KCND2: variants seen among roughly 807,000 people sequenced by gnomAD.
The protein encoded by KCND2 is potassium voltage-gated channel subfamily D member 2.
Under a neutral mutation model 54.4 loss-of-function variants are expected in KCND2, and 16 were observed. The ratio of observed to expected loss-of-function variants is 0.29; its 90% CI spans 0.20 to 0.45. KCND2 has a LOEUF of 0.45. KCND2 is among the 20% of genes least tolerant of loss of function. KCND2 has a pLI of 1.00. For synonymous variants in KCND2, 317 were observed against 310.7 expected (o/e 1.02, Z -0.21); for missense variants, 486 against 824.2 (o/e 0.59, Z 5.02).
chr7:120,590,660 A>G (rs1562881551), intron 1 of KCND2, among the ~76,000 whole-genome samples: 2 of 152,202 alleles, frequency 1.3e-5, no homozygotes, highest in Non-Finnish European at 1.5e-5. Flanking sequence ...AAGAATATGC[A>G]GTCCCAAAGC....
chr7:120,439,383 A>G (rs2116189707), intron 1 of KCND2, among the ~76,000 whole-genome samples: 1 of 152,206 alleles, frequency 6.6e-6, no homozygotes, highest in East Asian at 1.9e-4. Context: ...TTTATTTGAA[A>G]TGAAATAATT....
chr7:120,740,875 C>T (rs1792932092), intron 2 of KCND2: 1 of 455,378 alleles, frequency 2.2e-6, no homozygotes, highest in Admixed American at 2.4e-5. Flanking sequence ...TGCCGGTAGA[C>T]AAAGTAGATA....
intron 1 of KCND2, among the ~76,000 whole-genome samples, chr7:120,336,149 G>A (rs577972113): frequency 2.0e-4 from 30 of 151,958 alleles, no homozygotes; most frequent in South Asian, 1.2e-3. Flanking sequence ...GTAACCAAAC[G>A]CACTGCTCAA....
chr7:120,521,563 TAC>T (rs1198351605), intron 1 of KCND2, among the ~76,000 whole-genome samples: 1 of 152,160 alleles, frequency 6.6e-6, no homozygotes, highest in African/African-American at 2.4e-5. Flanking sequence ...AATTTTTAAA[TAC>T]AGTCAACTGT....
At chr7:120,413,002 T>G (rs1055483575) in intron 1 of KCND2, among the ~76,000 whole-genome samples, 13 of 152,108 alleles carry the variant, frequency 8.5e-5, no homozygotes, top group Non-Finnish European at 1.6e-4. Flanking sequence ...TTAGTTTTGT[T>G]GAAATCTTAA....
chr7:120,519,255 C>T (rs957940441), intron 1 of KCND2, among the ~76,000 whole-genome samples: 2 of 151,970 alleles, frequency 1.3e-5, no homozygotes, highest in Admixed American at 1.3e-4. Flanking sequence ...GTAGGAGAAT[C>T]GCTTGAACCC....
chr7:120,331,506 AGAGT>A (rs1371089355), intron 1 of KCND2, among the ~76,000 whole-genome samples: 3 of 152,024 alleles, frequency 2.0e-5, no homozygotes, highest in Non-Finnish European at 4.4e-5. Context: ...AAAAAGACAA[AGAGT>A]GAGAGAGAGA....
intron 1 of KCND2, among the ~76,000 whole-genome samples, chr7:120,391,767 GT>G (rs1289454542): frequency 3.3e-5 from 5 of 151,774 alleles, no homozygotes; most frequent in African/African-American, 1.2e-4. Flanking sequence ...GTGGTTGTTT[GT>G]TTTTTTCTTG....
chr7:120,330,581 CAAAAAAAA>C (rs3067024), intron 1 of KCND2, among the ~76,000 whole-genome samples: 2 of 48,382 alleles, frequency 4.1e-5, no homozygotes, highest in Non-Finnish European at 6.6e-5. Flanking sequence ...AACTCTGTCT[CAAAAAAAA>C]AAAAAAAAAA....
chr7:120,443,953 T>A (rs1801982875), intron 1 of KCND2, among the ~76,000 whole-genome samples: 1 of 152,186 alleles, frequency 6.6e-6, no homozygotes, highest in South Asian at 2.1e-4. Flanking sequence ...TTTACTCCCC[T>A]TCAAGATCTG....
intron 1 of KCND2, among the ~76,000 whole-genome samples, chr7:120,633,757 TTA>T (rs1250956265): frequency 6.6e-6 from 1 of 152,184 alleles, no homozygotes; most frequent in African/African-American, 2.4e-5. Flanking sequence ...TACTCTGAAT[TTA>T]TCATATATTA....
chr7:120,433,035 A>G (rs1457850088), intron 1 of KCND2, among the ~76,000 whole-genome samples: 1 of 152,080 alleles, frequency 6.6e-6, no homozygotes, highest in Non-Finnish European at 1.5e-5. Flanking sequence ...ATCACACAGG[A>G]TGTGTGGCTC....
At chr7:120,572,957 T>C (rs1301941660) in intron 1 of KCND2, among the ~76,000 whole-genome samples, 9 of 152,212 alleles carry the variant, frequency 5.9e-5, no homozygotes, top group African/African-American at 9.6e-5. Flanking sequence ...AAAAATGCTG[T>C]TATTCTCTTG....
chr7:120,535,087 A>G (rs1416860161), intron 1 of KCND2, among the ~76,000 whole-genome samples: 1 of 152,092 alleles, frequency 6.6e-6, no homozygotes, highest in Admixed American at 6.6e-5. Flanking sequence ...ATCTCAATAA[A>G]ACCTTGCTAT....
intron 1 of KCND2, among the ~76,000 whole-genome samples, chr7:120,588,283 G>T (rs775098543): frequency 1.3e-5 from 2 of 152,138 alleles, no homozygotes; most frequent in African/African-American, 2.4e-5. Flanking sequence ...CTGATATTTT[G>T]TAATCCTAAA....
intron 1 of KCND2, 44 bp downstream of exon 1, chr7:120,275,791 G>C (rs780295913): frequency 6.3e-7 from 1 of 1,589,772 alleles, no homozygotes; most frequent in South Asian, 1.1e-5. Flanking sequence ...GGGTATGGGT[G>C]AGGCGATTGT....
At chr7:120,426,656 C>T (rs1801712444) in intron 1 of KCND2, among the ~76,000 whole-genome samples, 1 of 138,318 alleles carries the variant, frequency 7.2e-6, no homozygotes, top group Admixed American at 7.7e-5. Flanking sequence ...GTGGCGCAAT[C>T]TGTCGCCCAG....
intron 1 of KCND2, among the ~76,000 whole-genome samples, chr7:120,573,975 C>T (rs1417942373): frequency 6.6e-6 from 1 of 152,106 alleles, no homozygotes; most frequent in Non-Finnish European, 1.5e-5. Flanking sequence ...AATACATGTA[C>T]ATCATTTTAA....
intron 1 of KCND2, among the ~76,000 whole-genome samples, chr7:120,351,244 G>GTA (rs3067025): frequency 0.12 from 15,921 of 137,068 alleles, 1,151 homozygotes; most frequent in Non-Finnish European, 0.14. Flanking sequence ...TTATATGTGT[G>GTA]TATATATATA....
Sources: allele counts gnomAD v4.1 joint callset (sites outside exome capture counted in the v4.1 genomes callset), GRCh38; gene constraint gnomAD v4.1.1; transcripts MANE v1.5; gene names NCBI Gene and HGNC (gene_info 2026-07-23, HGNC 2026-07-21).